KIAA1210: variants seen among roughly 807,000 people sequenced by gnomAD.
KIAA1210 encodes the protein acrosomal protein KIAA1210.
Under a neutral mutation model 78.9 loss-of-function variants are expected in KIAA1210, and 48 were observed. The ratio of observed to expected loss-of-function variants is 0.61; its 90% CI spans 0.48 to 0.77. KIAA1210 has a LOEUF of 0.77. Among genes scored for constraint, KIAA1210 ranks in the 30% least tolerant of loss-of-function variants. The probability of loss-of-function intolerance (pLI) is 0.00; values close to 1 mark genes in which losing one functional copy is unlikely to be tolerated. For synonymous variants in KIAA1210, 406 were observed against 404.5 expected, an observed-to-expected ratio of 1.00 and a Z score of -0.04; for missense variants, 1,108 against 1,100.0, an observed-to-expected ratio of 1.01 and a Z score of -0.10.
upstream of KIAA1210, among the ~76,000 whole-genome samples, chrX:119,130,497 C>A (rs932802592): frequency 4.4e-5 from 5 of 112,928 alleles, no homozygotes; most frequent in Admixed American, 9.3e-5. Context: ...TTTTGATTAT[C>A]TGAGTATTAC....
intron 6 of KIAA1210, among the ~76,000 whole-genome samples, chrX:119,100,103 G>A (rs190752774): frequency 1.5e-4 from 16 of 109,802 alleles, no homozygotes; most frequent in African/African-American, 4.6e-4. Flanking sequence ...CTAGCAGATC[G>A]CGAGGTCAGG....
upstream of KIAA1210, among the ~76,000 whole-genome samples, chrX:119,128,431 C>A (rs781543668): frequency 1.9e-5 from 2 of 108,106 alleles, no homozygotes; most frequent in African/African-American, 6.7e-5. Flanking sequence ...CCGCTACCCC[C>A]CTACTTCATC....
At chrX:119,126,537 C>A (rs1928650887) in intron 1 of KIAA1210, among the ~76,000 whole-genome samples, 1 of 112,046 alleles carries the variant, frequency 8.9e-6, no homozygotes, top group Non-Finnish European at 1.9e-5. Context: ...GAGTCCCAGG[C>A]CCACACAGTG....
chrX:119,125,735 A>ATATATAT (rs5903546), intron 1 of KIAA1210, among the ~76,000 whole-genome samples: 3 of 15,792 alleles, frequency 1.9e-4, no homozygotes, highest in South Asian at 9.3e-3. Flanking sequence ...ATATATATAT[A>ATATATAT]TTTTTTTTTT....
chrX:119,123,703 G>A, intron 1 of KIAA1210, 51 bp from the exon 2 acceptor site: 1 of 819,054 alleles, frequency 1.2e-6, no homozygotes, highest in South Asian at 2.3e-5. Flanking sequence ...TTGATATTCA[G>A]GGCGTAATGC....
intron 3 of KIAA1210, among the ~76,000 whole-genome samples, chrX:119,114,819 A>G (rs888743237): frequency 8.9e-6 from 1 of 112,298 alleles, no homozygotes; most frequent in Non-Finnish European, 1.9e-5. Context: ...ACTCTTGTCC[A>G]CTTAACATAT....
intron 10 of KIAA1210, among the ~76,000 whole-genome samples, 164 bp from the exon 11 acceptor site, chrX:119,083,284 A>G (rs1441138596): frequency 8.9e-6 from 1 of 112,398 alleles, no homozygotes; most frequent in Non-Finnish European, 1.9e-5. Context: ...AAGGAGAGAA[A>G]TAGCATTGAG....
chrX:119,148,557 G>T (rs1929221034), intron 1 of KIAA1210, among the ~76,000 whole-genome samples: 1 of 112,216 alleles, frequency 8.9e-6, no homozygotes, highest in Non-Finnish European at 1.9e-5. Context: ...TCCAAAAAGT[G>T]TATTCACCAA....
chrX:119,084,969 T>C (rs1232102862), intron 10 of KIAA1210, among the ~76,000 whole-genome samples: 1 of 111,605 alleles, frequency 9.0e-6, no homozygotes, highest in African/African-American at 3.3e-5. Flanking sequence ...ACAGCCTCCA[T>C]GCCTGGGCTC....
upstream of KIAA1210, among the ~76,000 whole-genome samples, chrX:119,131,246 A>G (rs1348251076): frequency 8.9e-6 from 1 of 112,210 alleles, no homozygotes; most frequent in Admixed American, 9.5e-5. Flanking sequence ...TGTCCTGTAA[A>G]TCCCCTCTCC....
chrX:119,111,308 A>G (rs1342809409), intron 3 of KIAA1210, among the ~76,000 whole-genome samples: 2 of 112,156 alleles, frequency 1.8e-5, no homozygotes, highest in African/African-American at 6.5e-5. Context: ...ATGCACATGT[A>G]TGTTTATTGC....
upstream of KIAA1210, among the ~76,000 whole-genome samples, chrX:119,129,780 T>C (rs1331306004): frequency 9.0e-6 from 1 of 111,203 alleles, no homozygotes; most frequent in Non-Finnish European, 1.9e-5. Flanking sequence ...TGGACCCTCA[T>C]GGAGAAAGAT....
intron 1 of KIAA1210, among the ~76,000 whole-genome samples, chrX:119,126,296 T>C (rs1010008921): frequency 1.8e-5 from 2 of 111,141 alleles, no homozygotes; most frequent in African/African-American, 6.6e-5. Flanking sequence ...ACTGAAGCCT[T>C]GGAGTGCAAA....
At chrX:119,094,558 G>A (rs1024405314) in intron 7 of KIAA1210, among the ~76,000 whole-genome samples, 2 of 112,012 alleles carry the variant, frequency 1.8e-5, no homozygotes, top group Non-Finnish European at 3.8e-5. Flanking sequence ...GATTGGCCTG[G>A]ATTCAAAATC....
chrX:119,150,625 A>G (rs373597681), upstream of KIAA1210: 180 of 1,149,359 alleles, frequency 1.6e-4, 1 homozygote, highest in African/African-American at 2.9e-3. Flanking sequence ...CGACCTGCCG[A>G]GTCCCAGAAG....
At chrX:119,097,416 A>G (rs187427699) in intron 6 of KIAA1210, among the ~76,000 whole-genome samples, 1 of 111,536 alleles carries the variant, frequency 9.0e-6, no homozygotes, top group East Asian at 2.8e-4. Context: ...CATTTTCCAT[A>G]TCTCAAAGAG....
intron 2 of KIAA1210, among the ~76,000 whole-genome samples, chrX:119,122,926 C>T (rs1352970891): frequency 2.7e-5 from 3 of 112,344 alleles, no homozygotes; most frequent in Non-Finnish European, 1.9e-5. Context: ...CTAAAGAAAA[C>T]TCAGCAAAAG....
At chrX:119,117,733 C>T (rs1053269871) in intron 2 of KIAA1210, among the ~76,000 whole-genome samples, 230 of 109,309 alleles carry the variant, frequency 2.1e-3, no homozygotes, top group African/African-American at 7.2e-3. Context: ...TATAAGCACG[C>T]ACCACCACAC....
Position 119,088,992 on chromosome X carries a change from C to G in KIAA1210, c.1710G>C (p.Leu570Phe), listed in dbSNP as rs192473734. 2.8e-4 allele frequency: 336 copies of G among 1,210,480 alleles called. No individual in the cohort carries two copies. Among genetic ancestry groups the G allele is most frequent in the Non-Finnish European group, 3.5e-4 (310 of 895,285 alleles). Residue 570 changes from leucine to phenylalanine, a missense_variant, in exon 9 of 12, where the codon TTG (leucine) becomes TTC (phenylalanine). By Grantham distance (22) the Leu-to-Phe change is conservative. Transcript: ENST00000691062. ...NVHQTFTASV[L>F]GMTSTTAKGD... Reference sequence around the variant, plus strand: ...CTTTGGCTGTAGTACTTGTCATACCCAAAACACTTGCTGTAAAGGTCTGGT... The same window carrying G: ...CTTTGGCTGTAGTACTTGTCATACCGAAAACACTTGCTGTAAAGGTCTGGT...
Sources: allele counts gnomAD v4.1 joint callset (sites outside exome capture counted in the v4.1 genomes callset), GRCh38; gene constraint gnomAD v4.1.1; transcripts MANE v1.5; gene names NCBI Gene and HGNC (gene_info 2026-07-23, HGNC 2026-07-21).